Variants in CAMK4 observed in about 807,000 individuals in gnomAD.
CAMK4 encodes calcium/calmodulin dependent protein kinase IV.
In CAMK4, 22 loss-of-function variants were observed where a neutral mutation model predicts 44.9. That is an observed-to-expected ratio of 0.49 (90% CI 0.35 to 0.70). CAMK4 has a LOEUF of 0.70. Among genes scored for constraint, CAMK4 ranks in the 30% least tolerant of loss-of-function variants. CAMK4 has a pLI of 0.01. For missense variants in CAMK4, 498 were observed against 586.8 expected (o/e 0.85, Z 1.56); for synonymous variants, 218 against 215.4 (o/e 1.01, Z -0.11).
At chr5:111,366,948 A>G (rs1580658603) in intron 2 of CAMK4, among the ~76,000 whole-genome samples, 2 of 151,924 alleles carry the variant, frequency 1.3e-5, no homozygotes. Flanking sequence ...ACAAGGCATT[A>G]CAGAAAAACC....
chr5:111,399,945 C>T lies in CAMK4; in HGVS notation c.459+5163C>T, dbSNP rs183798941. 4.2e-3 allele frequency among the ~76,000 whole-genome samples: 634 copies of T among 152,234 alleles called. 4 individuals carry two copies. Among genetic ancestry groups the T allele is most frequent in the Non-Finnish European group, 7.3e-3 (496 of 68,018 alleles). On this transcript the variant is annotated intron_variant, in intron 5 of 10. Coordinates refer to ENST00000282356, the MANE Select transcript of CAMK4 (RefSeq NM_001744.6). ...GGTGAAAAATGGATGTTCTCAGCAT[C>T]AGAATTTTCCACCTGTTGGAGTTAT...
intron 5 of CAMK4, among the ~76,000 whole-genome samples, chr5:111,411,210 T>C (rs938858441): frequency 6.6e-6 from 1 of 152,166 alleles, no homozygotes; most frequent in East Asian, 1.9e-4. Context: ...TACCAAGACA[T>C]GGGACACAGA....
intron 1 of CAMK4, among the ~76,000 whole-genome samples, chr5:111,228,203 A>G (rs1748289662): frequency 6.6e-6 from 1 of 152,228 alleles, no homozygotes; most frequent in South Asian, 2.1e-4. Flanking sequence ...AAGGAAACCA[A>G]ACCAAATGAA....
In CAMK4 at chr5:111,391,642, A is replaced by G. The variant is rs371910871; in HGVS notation, c.387-3068A>G. Among the ~76,000 whole-genome samples, 7 of 152,288 alleles carry G rather than the reference A, an allele frequency of 4.6e-5. No individual in the cohort carries two copies. In the East Asian group the frequency reaches 1.3e-3, roughly 29 times the overall value. On this transcript the variant is annotated intron_variant, in intron 4 of 10. Coordinates refer to ENST00000282356, the MANE Select transcript of CAMK4 (RefSeq NM_001744.6). ...TTACATATCTATAATTGCACACCCC[A>G]AAGAAGAAAACCAAGGCAATGGAAG...
intron 7 of CAMK4, among the ~76,000 whole-genome samples, chr5:111,456,681 A>G (rs1322773934): frequency 6.6e-6 from 1 of 151,816 alleles, no homozygotes; most frequent in Admixed American, 6.6e-5. Flanking sequence ...AAAAAGGTAG[A>G]GAAAAGAAAT....
chr5:111,379,801 G>A (rs541928184), intron 4 of CAMK4, among the ~76,000 whole-genome samples: 9 of 152,102 alleles, frequency 5.9e-5, no homozygotes, highest in African/African-American at 2.2e-4. Flanking sequence ...ACTCAAAAAG[G>A]TTGTATTTAA....
intron 9 of CAMK4, 78 bp downstream of exon 9, chr5:111,478,585 A>T (rs1755325242): frequency 3.0e-6 from 2 of 665,828 alleles, no homozygotes; most frequent in Non-Finnish European, 2.3e-6. Context: ...ACAATTTTTT[A>T]AAATTTTACC....
intron 1 of CAMK4, among the ~76,000 whole-genome samples, chr5:111,310,111 A>T (rs1025765186): frequency 6.6e-6 from 1 of 152,150 alleles, no homozygotes; most frequent in Admixed American, 6.5e-5. Flanking sequence ...AACAAGGCAT[A>T]TTCAACCTCG....
chr5:111,482,062 C>T lies in CAMK4; in HGVS notation c.829-723C>T, dbSNP rs1353003409. ...TAGTCTCTGCCTCATATCAGGTCAC[C>T]CCTACTAAGCCCAGGACTGTGGATT... is the stretch of plus-strand genomic sequence containing the variant. On this transcript the variant is annotated intron_variant, in intron 9 of 10. Transcript: ENST00000282356. The surrounding 1 kb of genome is among the most constrained non-coding windows in gnomAD (Gnocchi z 4.9). The T allele has an allele frequency of 2.0e-5, 3 of 152,010 alleles. No individual in the cohort carries two copies. Among genetic ancestry groups the T allele is most frequent in the Non-Finnish European group, 4.4e-5 (3 of 68,024 alleles). 9.4% of individuals were successfully genotyped at this position (152,010 alleles called of 1,614,324 possible).
At chr5:111,294,797 C>G (rs921172046) in intron 1 of CAMK4, among the ~76,000 whole-genome samples, 1 of 151,958 alleles carries the variant, frequency 6.6e-6, no homozygotes, top group East Asian at 1.9e-4. Flanking sequence ...TTCCTCCTTT[C>G]TTGAAAAGCA....
intron 2 of CAMK4, among the ~76,000 whole-genome samples, chr5:111,365,896 G>A (rs1750777612): frequency 6.6e-6 from 1 of 152,002 alleles, no homozygotes; most frequent in African/African-American, 2.4e-5. Flanking sequence ...TTTGATTTTG[G>A]GGTGTTCAAA....
intron 1 of CAMK4, among the ~76,000 whole-genome samples, chr5:111,271,838 C>T (rs1750529753): frequency 6.6e-6 from 1 of 151,954 alleles, no homozygotes; most frequent in Non-Finnish European, 1.5e-5. Context: ...TCTAAGTGTG[C>T]CATAAAAGTT....
chr5:111,414,664 G>C (rs1402852850), intron 5 of CAMK4, among the ~76,000 whole-genome samples: 1 of 152,058 alleles, frequency 6.6e-6, no homozygotes, highest in Non-Finnish European at 1.5e-5. Flanking sequence ...GATTGTAGAA[G>C]CAGTGAAAAA....
intron 5 of CAMK4, among the ~76,000 whole-genome samples, chr5:111,413,672 TA>T (rs1173669138): frequency 2.7e-5 from 4 of 150,348 alleles, no homozygotes; most frequent in Non-Finnish European, 4.4e-5. Context: ...ACATGTAATG[TA>T]AAAAAAAATG....
chr5:111,424,098 T>C (rs1397667579), intron 5 of CAMK4, among the ~76,000 whole-genome samples: 1 of 152,220 alleles, frequency 6.6e-6, no homozygotes, highest in East Asian at 1.9e-4. Context: ...TACTATGCCC[T>C]GCTATAGACT....
chr5:111,300,026 C>T (rs1226674868), intron 1 of CAMK4, among the ~76,000 whole-genome samples: 1 of 152,206 alleles, frequency 6.6e-6, no homozygotes, highest in Non-Finnish European at 1.5e-5. Flanking sequence ...TGGGTTCTAA[C>T]TCAGTCTCTT....
At chr5:111,424,434 C>CTTTT (rs34618322) in intron 5 of CAMK4, among the ~76,000 whole-genome samples, 55 of 64,908 alleles carry the variant, frequency 8.5e-4, no homozygotes, top group South Asian at 1.4e-3. Context: ...ATCTTCTATT[C>CTTTT]TTTTTTTTTT....
intron 1 of CAMK4, among the ~76,000 whole-genome samples, chr5:111,232,437 A>G (rs1310357843): frequency 6.6e-6 from 1 of 152,154 alleles, no homozygotes; most frequent in East Asian, 1.9e-4. Flanking sequence ...GGCAGATGGT[A>G]CATTCTAAGA....
chr5:111,429,772 C>CT, intron 5 of CAMK4, among the ~76,000 whole-genome samples: 1 of 41,394 alleles, frequency 2.4e-5, no homozygotes, highest in Non-Finnish European at 4.0e-5. Context: ...AGTGAGACCT[C>CT]ATCTCAAAAA....
Sources: gnomAD v4.1 joint callset for allele counts (sites outside exome capture counted in the v4.1 genomes callset) on GRCh38, gnomAD v4.1.1 for gene constraint, Gnocchi (gnomAD v3.1) non-coding constraint, MANE v1.5 for transcripts, NCBI Gene and HGNC (gene_info 2026-07-23, HGNC 2026-07-21) for gene names.